Variants in KLHL29 observed in about 807,000 individuals in gnomAD.
The protein encoded by KLHL29 is kelch-like protein 29.
Under a neutral mutation model 80.4 loss-of-function variants are expected in KLHL29, and 21 were observed. The observed-to-expected ratio is 0.26, with a 90% CI of 0.19 to 0.38. The LOEUF (loss-of-function observed/expected upper bound fraction) is 0.38, where lower values mean the gene tolerates loss of function less well. KLHL29 is among the 10% of genes least tolerant of loss of function. The probability of loss-of-function intolerance (pLI) is 1.00; values close to 1 mark genes in which losing one functional copy is unlikely to be tolerated. For missense variants in KLHL29, 867 were observed against 1,223.9 expected, an observed-to-expected ratio of 0.71 and a Z score of 4.35; for synonymous variants, 511 against 526.8, an observed-to-expected ratio of 0.97 and a Z score of 0.41.
chr2:23,661,355 AAC>A (rs1491561294), intron 5 of KLHL29, among the ~76,000 whole-genome samples: 1 of 151,644 alleles, frequency 6.6e-6, no homozygotes, highest in Non-Finnish European at 1.5e-5. Context: ...AAAAAAAAAA[AAC>A]CATGAAAAAT....
intron 5 of KLHL29, chr2:23,668,833 A>C (rs1412453845): frequency 1.3e-5 from 2 of 152,062 alleles, no homozygotes; most frequent in Non-Finnish European, 2.9e-5. Flanking sequence ...CCGCAGGGCC[A>C]CCCTCAGTCC....
chr2:23,542,693 G>C (rs973124590), intron 2 of KLHL29, among the ~76,000 whole-genome samples: 1 of 152,228 alleles, frequency 6.6e-6, no homozygotes, highest in African/African-American at 2.4e-5. Flanking sequence ...CGTTCTTGCA[G>C]AGGAGGGGCA....
intron 2 of KLHL29, among the ~76,000 whole-genome samples, chr2:23,534,681 C>T (rs1666611834): frequency 6.6e-6 from 1 of 152,194 alleles, no homozygotes; most frequent in Admixed American, 6.5e-5. Flanking sequence ...CACAGAGGCT[C>T]ATAGAGTGGA....
At chr2:23,621,999 G>A (rs1346066760) in intron 3 of KLHL29, among the ~76,000 whole-genome samples, 1 of 152,202 alleles carries the variant, frequency 6.6e-6, no homozygotes, top group Non-Finnish European at 1.5e-5. Flanking sequence ...AAAGGCAGGT[G>A]CACAGTGGCC....
In KLHL29 at chr2:23,658,077, C is replaced by T. The variant is rs11694722; in HGVS notation, c.940+15227C>T. Among the ~76,000 whole-genome samples the T allele has an allele frequency of 8.3e-4, 126 of 152,004 alleles. 1 individual carries two copies. Among genetic ancestry groups the T allele is most frequent in the Admixed American group, 1.2e-3 (19 of 15,278 alleles). On this transcript the variant is annotated intron_variant, in intron 5 of 13. Coordinates refer to ENST00000486442, the MANE Select transcript of KLHL29 (RefSeq NM_052920.2). ...TTCTCTGTCCCTTCTCCATGCTTGG[C>T]CCTCCTCCCTCCTCCCTCTCCTGCC...
At chr2:23,654,665 G>T (rs1670184971) in intron 5 of KLHL29, among the ~76,000 whole-genome samples, 1 of 121,396 alleles carries the variant, frequency 8.2e-6, no homozygotes, top group African/African-American at 2.9e-5. Context: ...GCTGGGAGAT[G>T]CAGCCTTCTC....
chr2:23,446,094 G>A (rs1204488278), intron 1 of KLHL29, among the ~76,000 whole-genome samples: 6 of 151,622 alleles, frequency 4.0e-5, no homozygotes, highest in East Asian at 1.9e-4. Context: ...ATTTCAAATC[G>A]TAATCAGAAA....
intron 2 of KLHL29, among the ~76,000 whole-genome samples, chr2:23,485,421 C>T (rs1467997963): frequency 6.6e-6 from 1 of 152,210 alleles, no homozygotes; most frequent in Non-Finnish European, 1.5e-5. Flanking sequence ...CAGCTAACAG[C>T]TGCCCATGTT....
intron 3 of KLHL29, among the ~76,000 whole-genome samples, chr2:23,598,646 T>TA (rs1668489181): frequency 6.6e-6 from 1 of 152,192 alleles, no homozygotes; most frequent in Admixed American, 6.5e-5. Context: ...AGAGAAGACT[T>TA]CCAGGCTGCT....
chr2:23,443,406 T>C (rs185799271), intron 1 of KLHL29, among the ~76,000 whole-genome samples: 113 of 152,326 alleles, frequency 7.4e-4, no homozygotes, highest in Non-Finnish European at 1.4e-3. Context: ...CCAAAACAAA[T>C]TTTTAGAATT....
intron 2 of KLHL29, among the ~76,000 whole-genome samples, chr2:23,491,675 G>T (rs1465323035): frequency 6.6e-6 from 1 of 152,094 alleles, no homozygotes; most frequent in Non-Finnish European, 1.5e-5. Context: ...CTGATCTCCT[G>T]TTCTCAGCTC....
chr2:23,520,992 A>ACCCCCCCCCC (rs33915683), intron 2 of KLHL29, among the ~76,000 whole-genome samples: 3 of 91,240 alleles, frequency 3.3e-5, no homozygotes, highest in African/African-American at 1.1e-4. Context: ...TACAAAGACC[A>ACCCCCCCCCC]CCCCCCCCCC....
chr2:23,627,822 G>C (rs1042056189), intron 3 of KLHL29, among the ~76,000 whole-genome samples: 3 of 151,538 alleles, frequency 2.0e-5, no homozygotes, highest in East Asian at 1.9e-4. Flanking sequence ...ATGTAGAGCT[G>C]TTCCCTTTTC....
chr2:23,705,198 G>A lies in KLHL29; in HGVS notation c.2445-1283G>A, dbSNP rs188535825. On this transcript the variant is annotated intron_variant, in intron 13 of 13. Transcript: ENST00000486442. The stretch of plus-strand genomic sequence containing the variant: ...GCTCGCACCTTCTCTGAGACTAGAA[G>A]TAAATGGGAAAGGGCCAGGCACAGT... 6.6e-3 allele frequency among the ~76,000 whole-genome samples: 1,008 copies of A among 152,278 alleles called. 4 individuals carry two copies. The highest frequency in any genetic ancestry group is 0.01 in the Non-Finnish European group (693 of 68,020).
rs900556091 is a variant in KLHL29 at position 23,582,759 on chromosome 2, C to T, written c.285+20278C>T. ...AAAGGAACCCATCTCTTCTTGAAAA[C>T]ATTCAAACTGATGAGAAAGCAGAAT... On this transcript the variant is annotated intron_variant, in intron 3 of 13. Coordinates refer to ENST00000486442, the MANE Select transcript of KLHL29 (RefSeq NM_052920.2). 3.9e-5 allele frequency among the ~76,000 whole-genome samples: 6 copies of T among 152,308 alleles called. No individual in the cohort carries two copies. In the South Asian group the frequency reaches 1.2e-3, roughly 32 times the overall value.
intron 2 of KLHL29, among the ~76,000 whole-genome samples, chr2:23,497,557 T>C (rs562539164): frequency 4.4e-4 from 67 of 152,212 alleles, no homozygotes; most frequent in African/African-American, 1.5e-3. Context: ...CCAACTCACC[T>C]CCACCCAGAG....
intron 2 of KLHL29, among the ~76,000 whole-genome samples, chr2:23,484,013 C>T (rs1216281700): frequency 6.6e-6 from 1 of 152,164 alleles, no homozygotes. Context: ...GTGGTCCCAA[C>T]CCCCACTCAG....
intron 3 of KLHL29, among the ~76,000 whole-genome samples, chr2:23,565,188 G>C (rs987835644): frequency 3.3e-5 from 5 of 152,148 alleles, no homozygotes; most frequent in African/African-American, 1.2e-4. Context: ...GAGGCCTATG[G>C]GACAAGGCTC....
At chr2:23,614,794 G>C (rs899037134) in intron 3 of KLHL29, among the ~76,000 whole-genome samples, 1 of 152,146 alleles carries the variant, frequency 6.6e-6, no homozygotes, top group East Asian at 1.9e-4. Context: ...AACATTGCAG[G>C]CTCCAGGCTG....
Sources: allele counts gnomAD v4.1 joint callset (sites outside exome capture counted in the v4.1 genomes callset), GRCh38; gene constraint gnomAD v4.1.1; transcripts MANE v1.5; gene names NCBI Gene and HGNC (gene_info 2026-07-23, HGNC 2026-07-21).